Variants in SGTB observed in about 807,000 individuals in gnomAD.
SGTB encodes small glutamine rich tetratricopeptide repeat co-chaperone beta, also known as small glutamine-rich tetratricopeptide repeat-containing protein beta.
A neutral mutation model predicts 43.9 loss-of-function variants in SGTB; 19 were observed. The ratio of observed to expected loss-of-function variants is 0.43; its 90% confidence interval spans 0.30 to 0.63. The LOEUF is 0.63. Among genes scored for constraint, SGTB ranks in the 30% least tolerant of loss-of-function variants. The probability of loss-of-function intolerance (pLI) is 0.12; values close to 1 mark genes in which losing one functional copy is unlikely to be tolerated. For missense variants in SGTB, 304 were observed against 358.9 expected (o/e 0.85, Z 1.24); for synonymous variants, 116 against 117.3 (o/e 0.99, Z 0.07).
intron 5 of SGTB, among the ~76,000 whole-genome samples, chr5:65,691,668 C>T (rs1208285614): frequency 1.3e-5 from 2 of 150,424 alleles, no homozygotes; most frequent in African/African-American, 4.9e-5. Flanking sequence ...AGGCCGGGCG[C>T]AGTGCCTCAC....
In SGTB at chr5:65,670,361, T is replaced by C. The variant is rs1757131969; in HGVS notation, c.804-4A>G. 1.2e-6 allele frequency: 2 copies of C among 1,611,942 alleles called. No individual in the cohort carries two copies. Among genetic ancestry groups the C allele is most frequent in the Non-Finnish European group, 1.7e-6 (2 of 1,178,326 alleles). ...CTGCTGAGCAAACTGCTGTCCCCTG[T>C]AGTAAAGAGGCAATGTGGTTTGAAT... On this transcript the variant is annotated splice_region_variant and splice_polypyrimidine_tract_variant and intron_variant, in intron 10 of 10. Coordinates refer to ENST00000381007, the MANE Select transcript of SGTB (RefSeq NM_019072.3).
In SGTB at chr5:65,701,777, C is replaced by T. The variant is rs534669578; in HGVS notation, c.374+2502G>A. ...CCTCCTGAGTAGCTGGGACTACAGGCGCCTGCCACCATGCCCGGCTAATTC... is the reference window on the plus strand; with the variant it reads ...CCTCCTGAGTAGCTGGGACTACAGGTGCCTGCCACCATGCCCGGCTAATTC... On this transcript the variant is annotated intron_variant, in intron 5 of 10. Coordinates refer to ENST00000381007, the MANE Select transcript of SGTB (RefSeq NM_019072.3). Among the ~76,000 whole-genome samples, 10 of 151,992 alleles carry T rather than the reference C, an allele frequency of 6.6e-5. No individual in the cohort carries two copies. In the South Asian group the frequency reaches 1.0e-3, roughly 16 times the overall value.
chr5:65,708,553 G>T lies in SGTB; in HGVS notation c.210C>A (p.Asp70Glu), dbSNP rs190155084. 1 of 1,610,842 alleles carries T rather than the reference G, an allele frequency of 6.2e-7. No homozygotes were observed. The highest frequency in any genetic ancestry group is 8.5e-7 in the Non-Finnish European group (1 of 1,178,486). The change falls in exon 4 of 11, where the codon GAC becomes GAA. Residue 70 changes from aspartate to glutamate, a missense_variant. Coordinates refer to ENST00000381007, the MANE Select transcript of SGTB (RefSeq NM_019072.3). Reference sequence around the variant, plus strand: ...GCACTGAGTTTGAAAGGGGCAGAACGTCATTCTGAAATTAAATAAAAATCA... The same window carrying T: ...GCACTGAGTTTGAAAGGGGCAGAACTTCATTCTGAAATTAAATAAAAATCA... ...EMFTSSFCKNDVLPLSNSVPE... is the reference protein window; with the variant it reads ...EMFTSSFCKNEVLPLSNSVPE...
intron 6 of SGTB, among the ~76,000 whole-genome samples, chr5:65,681,667 T>C (rs1285224653): frequency 1.3e-5 from 2 of 152,124 alleles, no homozygotes; most frequent in Non-Finnish European, 2.9e-5. Context: ...ATTAAAATAA[T>C]ATCTAAAGAT....
chr5:65,708,351 A>G (rs1309837402), intron 4 of SGTB, 138 bp downstream of exon 4: 1 of 650,140 alleles, frequency 1.5e-6, no homozygotes, highest in African/African-American at 1.9e-5. Context: ...CATCACATTC[A>G]TTTCTGTTTC....
chr5:65,691,990 GCT>G (rs1289285533), intron 5 of SGTB, among the ~76,000 whole-genome samples: 2 of 151,544 alleles, frequency 1.3e-5, no homozygotes, highest in Admixed American at 6.6e-5. Flanking sequence ...GTTTAAAGGG[GCT>G]CTCATTAGCC....
At chr5:65,672,408 G>C in intron 8 of SGTB, 127 bp from the exon 9 acceptor site, 1 of 1,134,400 alleles carries the variant, frequency 8.8e-7, no homozygotes, top group South Asian at 1.4e-5. Context: ...GTTTCAGTGT[G>C]CTATGCAAAG....
At chr5:65,699,737 C>G (rs575856034) in intron 5 of SGTB, among the ~76,000 whole-genome samples, 2 of 152,162 alleles carry the variant, frequency 1.3e-5, no homozygotes, top group East Asian at 1.9e-4. Flanking sequence ...GGATTATAGG[C>G]GTGAGCCACT....
chr5:65,689,516 C>A (rs1054383954), intron 5 of SGTB, among the ~76,000 whole-genome samples: 1 of 152,090 alleles, frequency 6.6e-6, no homozygotes, highest in African/African-American at 2.4e-5. Context: ...TAATTATAAA[C>A]CAATTATATT....
chr5:65,717,034 T>C (rs1460131629), intron 2 of SGTB, among the ~76,000 whole-genome samples: 1 of 151,798 alleles, frequency 6.6e-6, no homozygotes, highest in Non-Finnish European at 1.5e-5. Flanking sequence ...AAATAAAATA[T>C]ACTGGGGGTG....
chr5:65,696,823 T>C (rs1757724542), intron 5 of SGTB, among the ~76,000 whole-genome samples: 1 of 152,040 alleles, frequency 6.6e-6, no homozygotes, highest in Admixed American at 6.6e-5. Flanking sequence ...GCCTAAAGCA[T>C]CAGTAGGATC....
At chr5:65,700,925 A>G (rs1757802253) in intron 5 of SGTB, among the ~76,000 whole-genome samples, 1 of 140,206 alleles carries the variant, frequency 7.1e-6, no homozygotes, top group African/African-American at 2.7e-5. Context: ...CAGGAGAATC[A>G]CTTGAACCTG....
At chr5:65,676,982 A>T (rs192294360) in intron 8 of SGTB, among the ~76,000 whole-genome samples, 2 of 150,062 alleles carry the variant, frequency 1.3e-5, no homozygotes, top group Admixed American at 6.7e-5. Flanking sequence ...ATCAGAGCTG[A>T]ACTGAAGGAG....
intron 2 of SGTB, among the ~76,000 whole-genome samples, chr5:65,718,959 A>G (rs1164887597): frequency 2.6e-5 from 4 of 152,216 alleles, no homozygotes; most frequent in Non-Finnish European, 2.9e-5. Context: ...TCTGTTTGCT[A>G]CAGAGCAATC....
In SGTB at chr5:65,693,705, C is replaced by T. The variant is rs181908658; in HGVS notation, c.375-8233G>A. Among the ~76,000 whole-genome samples, 265 of 152,198 alleles carry T rather than the reference C, an allele frequency of 1.7e-3. 1 individual carries two copies. Among genetic ancestry groups the T allele is most frequent in the African/African-American group, 6.3e-3 (261 of 41,518 alleles). ...CCTATAATATCCTAGACACTGAACT[C>T]GAAACTACTATACAAAGATGAAGAG... is the stretch of plus-strand genomic sequence containing the variant. On this transcript the variant is annotated intron_variant, in intron 5 of 10. Transcript: ENST00000381007.
chr5:65,716,017 G>C (rs569729438), intron 2 of SGTB, among the ~76,000 whole-genome samples: 1 of 152,204 alleles, frequency 6.6e-6, no homozygotes, highest in Non-Finnish European at 1.5e-5. Flanking sequence ...TGATCCGCCC[G>C]CCTCGGCCTC....
At chr5:65,704,983 T>C (rs147288747) in intron 4 of SGTB, among the ~76,000 whole-genome samples, 159 of 152,344 alleles carry the variant, frequency 1.0e-3, no homozygotes, top group Non-Finnish European at 1.6e-3. Context: ...TCAGATACCA[T>C]GGCTAGCCTG....
At chr5:65,684,794 C>T (rs760554179) in intron 6 of SGTB, among the ~76,000 whole-genome samples, 4 of 152,008 alleles carry the variant, frequency 2.6e-5, no homozygotes, top group Non-Finnish European at 5.9e-5. Flanking sequence ...CTCAAGTGAT[C>T]TGCCCACCTT....
intron 5 of SGTB, among the ~76,000 whole-genome samples, chr5:65,690,707 TA>T (rs1757588673): frequency 6.6e-6 from 1 of 152,166 alleles, no homozygotes; most frequent in Admixed American, 6.5e-5. Flanking sequence ...TAATTTTATG[TA>T]AAAAACGTAC....
Sources: gnomAD v4.1 joint callset for allele counts (sites outside exome capture counted in the v4.1 genomes callset) on GRCh38, gnomAD v4.1.1 for gene constraint, MANE v1.5 for transcripts, NCBI Gene and HGNC (gene_info 2026-07-23, HGNC 2026-07-21) for gene names.